Variants in NGLY1 observed in about 807,000 individuals in gnomAD.
The protein encoded by NGLY1 is N-glycanase 1.
Under a neutral mutation model 84.6 loss-of-function variants are expected in NGLY1, and 68 were observed. The observed-to-expected ratio is 0.80, with a 90% CI of 0.66 to 0.98. The LOEUF is 0.98. Ranked by LOEUF, NGLY1 falls within the 50% of genes least tolerant of loss-of-function variation. NGLY1 has a pLI of 0.00. For synonymous variants in NGLY1, 280 were observed against 275.2 expected (o/e 1.02, Z -0.17); for missense variants, 779 against 770.2 (o/e 1.01, Z -0.14).
In NGLY1 at chr3:25,719,649, A is replaced by G; in HGVS notation, c.1790-14T>C. On this transcript the variant is annotated splice_polypyrimidine_tract_variant and intron_variant, in intron 11 of 11. Coordinates refer to ENST00000280700, the MANE Select transcript of NGLY1 (RefSeq NM_018297.4). ...GAAGACTGTTATCTGTTAGAGGGAA[A>G]AAAAAAATTAACATTTTGCTTTTGG... is the stretch of plus-strand genomic sequence containing the variant. The G allele has an allele frequency of 1.9e-6, 3 of 1,591,148 alleles. No individual in the cohort carries two copies. The highest frequency in any genetic ancestry group is 2.6e-6 in the Non-Finnish European group (3 of 1,168,364).
chr3:25,731,802 A>C (rs1012763539), intron 9 of NGLY1, among the ~76,000 whole-genome samples: 2 of 152,160 alleles, frequency 1.3e-5, no homozygotes, highest in African/African-American at 4.8e-5. Flanking sequence ...TACACAAAAC[A>C]AGCTATATAC....
chr3:25,737,305 C>G, intron 6 of NGLY1, 29 bp downstream of exon 6: 1 of 1,574,142 alleles, frequency 6.4e-7, no homozygotes, highest in Non-Finnish European at 8.6e-7. Flanking sequence ...CAAAGCCCTA[C>G]TACCCTCTGC....
At chr3:25,734,128 G>A (rs1177718569) in intron 7 of NGLY1, 146 bp from the exon 8 acceptor site, 14 of 1,074,062 alleles carry the variant, frequency 1.3e-5, no homozygotes, top group Admixed American at 5.4e-5. Flanking sequence ...GTGCAGTGGC[G>A]TGATCTCAGC....
chr3:25,770,259 T>TC (rs1707827664), intron 2 of NGLY1, among the ~76,000 whole-genome samples: 1 of 152,188 alleles, frequency 6.6e-6, no homozygotes, highest in Non-Finnish European at 1.5e-5. Flanking sequence ...CTAGTGATTC[T>TC]CCCCTCAGCC....
upstream of NGLY1, among the ~76,000 whole-genome samples, chr3:25,783,873 C>A (rs1233315010): frequency 6.6e-6 from 1 of 151,982 alleles, no homozygotes; most frequent in Non-Finnish European, 1.5e-5. This position sits in a 1 kb window ranked among gnomAD's most constrained non-coding sequence, Gnocchi z 4.5. Flanking sequence ...GACGGAGGAG[C>A]TCGGCTGGAG....
intron 10 of NGLY1, among the ~76,000 whole-genome samples, chr3:25,723,948 G>A (rs919567186): frequency 6.6e-6 from 1 of 152,122 alleles, no homozygotes; most frequent in East Asian, 1.9e-4. Flanking sequence ...CTTGTTGTAA[G>A]CACATATGAG....
At chr3:25,758,813 A>G (rs1707168187) in intron 3 of NGLY1, among the ~76,000 whole-genome samples, 1 of 152,196 alleles carries the variant, frequency 6.6e-6, no homozygotes, top group South Asian at 2.1e-4. Context: ...TGCAACAATG[A>G]GTACTGGGAA....
At chr3:25,789,753 T>C (rs1262296946) in intron 1 of NGLY1, 2 of 1,294,904 alleles carry the variant, frequency 1.5e-6, no homozygotes, top group Non-Finnish European at 2.2e-6. Context: ...CTTAATTCTT[T>C]CTTACAATTC....
intron 3 of NGLY1, among the ~76,000 whole-genome samples, chr3:25,758,527 G>A (rs1288485214): frequency 2.0e-5 from 3 of 152,280 alleles, no homozygotes; most frequent in Non-Finnish European, 2.9e-5. Context: ...GCAGTGAGCT[G>A]TGATCATGCC....
upstream of NGLY1, among the ~76,000 whole-genome samples, chr3:25,785,327 G>T (rs921108535): frequency 1.3e-5 from 2 of 151,940 alleles, no homozygotes; most frequent in African/African-American, 4.8e-5. Context: ...GATAAAAGGG[G>T]AGAGTCTGGG....
At chr3:25,752,161 T>C (rs139980845) in intron 3 of NGLY1, among the ~76,000 whole-genome samples, 326 of 152,308 alleles carry the variant, frequency 2.1e-3, no homozygotes, top group Non-Finnish European at 3.5e-3. Context: ...AAAGTTTCAA[T>C]AGTACACTAT....
At position 25,783,116 on chromosome 3, in the gene NGLY1, TAGG is replaced by T. The variant is rs1348621404; in HGVS notation, c.131+141_131+143del. 9.9e-6 allele frequency: 7 copies of T among 710,462 alleles called. No individual in the cohort carries two copies. The highest frequency in any genetic ancestry group is 3.6e-5 in the Admixed American group (1 of 27,808). The allele number at this position is 710,462 out of a possible 1,614,324, so 44.0% of individuals were successfully genotyped here. A position where few individuals can be genotyped will look rare whatever the true frequency, so the allele number is the denominator to read the frequency against. On this transcript the variant is annotated intron_variant, in intron 1 of 11. Coordinates refer to ENST00000280700, the MANE Select transcript of NGLY1 (RefSeq NM_018297.4). This position sits in a 1 kb window ranked among gnomAD's most constrained non-coding sequence, Gnocchi z 4.5. ...GCCCCTGGCCGGCGGGCTCGGACGT[TAGG>T]AGCAGAACCAGCTCCAGGTCCCGGT...
intron 3 of NGLY1, among the ~76,000 whole-genome samples, chr3:25,751,489 T>C (rs1677374768): frequency 6.6e-6 from 1 of 152,174 alleles, no homozygotes; most frequent in Non-Finnish European, 1.5e-5. Flanking sequence ...TATATACTAT[T>C]AAGGATATAT....
chr3:25,740,495 T>C (rs1575623009), intron 4 of NGLY1, among the ~76,000 whole-genome samples: 1 of 152,098 alleles, frequency 6.6e-6, no homozygotes, highest in African/African-American at 2.4e-5. Context: ...TAAAAACATA[T>C]ATAGGGGGTT....
Position 25,736,126 on chromosome 3 carries a change from A to C in NGLY1, c.1027T>G (p.Ser343Ala), listed in dbSNP as rs778154955. The C allele has an allele frequency of 5.0e-6, 8 of 1,613,706 alleles. No individual in the cohort carries two copies. Among genetic ancestry groups the C allele is most frequent in the Non-Finnish European group, 6.8e-6 (8 of 1,179,878 alleles). The change falls in exon 7 of 12, where the codon TCT becomes GCT. Residue 343 changes from serine to alanine, a missense_variant. Transcript: ENST00000280700. ...TGCAGCCACCGCTGCTGAGAAGGAG[A>C]ATAGACTTCTGTCCAGACATGGTCT... ...YTDHVWTEVY[S>A]PSQQRWLHCD...
chr3:25,757,744 C>T (rs1173671966), intron 3 of NGLY1, among the ~76,000 whole-genome samples: 1 of 152,160 alleles, frequency 6.6e-6, no homozygotes, highest in Non-Finnish European at 1.5e-5. Flanking sequence ...AGAAGGTCCA[C>T]GAGGATGTGG....
intron 1 of NGLY1, among the ~76,000 whole-genome samples, chr3:25,781,131 T>G (rs1456093963): frequency 6.6e-6 from 1 of 152,100 alleles, no homozygotes; most frequent in African/African-American, 2.4e-5. Context: ...TTAATTTTTT[T>G]GTAGAGACGG....
intron 4 of NGLY1, among the ~76,000 whole-genome samples, chr3:25,740,449 C>T (rs1706078000): frequency 6.6e-6 from 1 of 152,136 alleles, no homozygotes; most frequent in African/African-American, 2.4e-5. Flanking sequence ...ACCATGGTAT[C>T]TCTGGCAAGA....
At chr3:25,770,430 T>C (rs1393558153) in intron 2 of NGLY1, among the ~76,000 whole-genome samples, 1 of 152,216 alleles carries the variant, frequency 6.6e-6, no homozygotes, top group Non-Finnish European at 1.5e-5. Flanking sequence ...ATTACAGCCA[T>C]GAGCCACTAC....
Sources: gnomAD v4.1 joint callset for allele counts (sites outside exome capture counted in the v4.1 genomes callset) on GRCh38, gnomAD v4.1.1 for gene constraint, Gnocchi (gnomAD v3.1) non-coding constraint, MANE v1.5 for transcripts, NCBI Gene and HGNC (gene_info 2026-07-23, HGNC 2026-07-21) for gene names.